Variants in AGXT2 observed in about 807,000 individuals in gnomAD.
AGXT2 encodes alanine--glyoxylate aminotransferase 2, mitochondrial.
A neutral mutation model predicts 62.5 loss-of-function variants in AGXT2; 61 were observed. That is an observed-to-expected ratio of 0.98 (90% CI 0.79 to 1.21). The LOEUF (loss-of-function observed/expected upper bound fraction) is 1.21. AGXT2 is among the 50% of genes most tolerant of loss of function. AGXT2 has a pLI of 0.00. For missense variants in AGXT2, 666 were observed against 641.5 expected, an observed-to-expected ratio of 1.04 and a Z score of -0.41; for synonymous variants, 243 against 218.7, an observed-to-expected ratio of 1.11 and a Z score of -0.98.
chr5:35,032,143 C>T (rs763684392), intron 7 of AGXT2, among the ~76,000 whole-genome samples: 1 of 151,384 alleles, frequency 6.6e-6, no homozygotes, highest in African/African-American at 2.4e-5. Flanking sequence ...AATAGAGACA[C>T]CATTTCACCA....
rs1262551561 is a variant in AGXT2, at chr5:35,047,867, A to G, written c.26T>C (p.Leu9Pro). The change falls in exon 1 of 14, where the codon CTG (leucine) becomes CCG (proline). Residue 9 changes from leucine to proline, a missense_variant. Physicochemically the swap from Leu to Pro is moderately conservative, Grantham distance 98. Coordinates refer to ENST00000231420, the MANE Select transcript of AGXT2 (RefSeq NM_031900.4). MTLIWRHL[L>P]RPLCLVTSAP... ...GGAAGTGACCAGGCACAAGGGTCTC[A>G]GCAAATGTCTCCAGATTAGAGTCAT... 6.2e-7 allele frequency: 1 copy of G among 1,614,124 alleles called. No homozygotes were observed.
At chr5:35,001,239 A>C (rs1324971060) in intron 13 of AGXT2, among the ~76,000 whole-genome samples, 1 of 152,218 alleles carries the variant, frequency 6.6e-6, no homozygotes, top group African/African-American at 2.4e-5. Context: ...AGCATGCTCA[A>C]AGCTGGACTC....
intron 9 of AGXT2, among the ~76,000 whole-genome samples, chr5:35,019,746 G>C (rs1482607431): frequency 2.0e-5 from 3 of 151,988 alleles, no homozygotes; most frequent in African/African-American, 7.3e-5. Context: ...AGGAAATAGA[G>C]ACACAAAAAA....
chr5:35,003,418 T>G (rs1979723), intron 13 of AGXT2, among the ~76,000 whole-genome samples: 3 of 152,062 alleles, frequency 2.0e-5, no homozygotes, highest in Admixed American at 2.0e-4. Flanking sequence ...ATACAGGAGA[T>G]AGATTATTTA....
intron 1 of AGXT2, among the ~76,000 whole-genome samples, chr5:35,043,389 A>G (rs1768060910): frequency 6.6e-6 from 1 of 152,224 alleles, no homozygotes; most frequent in Non-Finnish European, 1.5e-5. Flanking sequence ...ATTATTACTG[A>G]GACAGGTCTG....
At chr5:35,002,022 A>G (rs1308292194) in intron 13 of AGXT2, among the ~76,000 whole-genome samples, 3 of 152,104 alleles carry the variant, frequency 2.0e-5, no homozygotes, top group Non-Finnish European at 4.4e-5. Flanking sequence ...TTTTACAGCA[A>G]CCTAATAGTT....
At chr5:35,009,391 T>G (rs893098511) in intron 12 of AGXT2, among the ~76,000 whole-genome samples, 1 of 151,998 alleles carries the variant, frequency 6.6e-6, no homozygotes, top group African/African-American at 2.4e-5. Flanking sequence ...AGGTAAGGAG[T>G]TTGAGACCAG....
chr5:35,028,673 G>T (rs553835975), intron 7 of AGXT2, among the ~76,000 whole-genome samples: 20 of 150,962 alleles, frequency 1.3e-4, no homozygotes, highest in African/African-American at 4.4e-4. Flanking sequence ...ATCCATACAT[G>T]ACTGAATCTT....
intron 7 of AGXT2, among the ~76,000 whole-genome samples, chr5:35,027,718 A>G (rs577779756): frequency 2.6e-5 from 4 of 151,530 alleles, no homozygotes; most frequent in African/African-American, 7.3e-5. Context: ...GAGGCCCAGA[A>G]TGAGGTAGAT....
At chr5:35,028,376 A>G (rs1767437670) in intron 7 of AGXT2, among the ~76,000 whole-genome samples, 1 of 152,082 alleles carries the variant, frequency 6.6e-6, no homozygotes, top group Non-Finnish European at 1.5e-5. Context: ...GATACTAGAA[A>G]CATTTCTGCC....
chr5:35,035,719 C>A (rs186935), intron 4 of AGXT2, among the ~76,000 whole-genome samples: 142,655 of 152,204 alleles, frequency 0.94, 67,337 homozygotes, highest in Non-Finnish European at 1. Context: ...AAGACAGGAC[C>A]TCTGACTCTG....
chr5:35,037,052 C>G lies in AGXT2; in HGVS notation c.376G>C (p.Val126Leu). 6.2e-7 allele frequency: 1 copy of G among 1,614,142 alleles called. No homozygotes were observed. Among genetic ancestry groups the G allele is most frequent in the Admixed American group, 1.7e-5 (1 of 60,036 alleles). The change falls in exon 4 of 14, where the codon GTG becomes CTG. Residue 126 changes from valine to leucine, a missense_variant. Coordinates refer to ENST00000231420, the MANE Select transcript of AGXT2 (RefSeq NM_031900.4). ...VGHCHPKVNA[V>L]AQKQLGRLWH... ...AGGCGGCCGAGCTGCTTTTGTGCCA[C>G]TGCATTCACCTTTCTGGATAAGCAG...
intron 9 of AGXT2, among the ~76,000 whole-genome samples, chr5:35,022,440 G>GGAAATAATCATTCTCAGT (rs1767144099): frequency 6.6e-6 from 1 of 151,898 alleles, no homozygotes; most frequent in Non-Finnish European, 1.5e-5. Flanking sequence ...GGATGAAATT[G>GGAAATAATCATTCTCAGT]GAAATAATCA....
chr5:35,014,013 G>C lies in AGXT2; in HGVS notation c.1070C>G (p.Pro357Arg), dbSNP rs749082205. ...TMAKGIGNGF[P>R]MAAVITTPEI... ...TGGAGTGGTTATGACTGCTGCCATG[G>C]GAAAGCCATTCCCAATCCCTTTAGC... The change falls in exon 10 of 14, where the codon CCC (proline) becomes CGC (arginine). Residue 357 changes from proline to arginine, a missense_variant. Coordinates refer to ENST00000231420, the MANE Select transcript of AGXT2 (RefSeq NM_031900.4). 1.9e-6 allele frequency: 3 copies of C among 1,614,090 alleles called. No homozygotes were observed. Among genetic ancestry groups the C allele is most frequent in the East Asian group, 4.5e-5 (2 of 44,872 alleles).
intron 10 of AGXT2, 143 bp downstream of exon 10, chr5:35,013,840 AGACT>A: frequency 8.1e-7 from 1 of 1,235,102 alleles, no homozygotes; most frequent in East Asian, 2.4e-5. Flanking sequence ...TCAGGCAGAC[AGACT>A]GTTTCTCTCT....
rs566714594 is a variant in AGXT2 at position 35,039,116 on chromosome 5, G to A, written c.362+208C>T. The stretch of plus-strand genomic sequence containing the variant: ...GTACATGCCACACTACATGTGCCAT[G>A]AGAATAACAAAATCTTGCATTGTCA... On this transcript the variant is annotated intron_variant, in intron 3 of 13. Transcript: ENST00000231420. Among the ~76,000 whole-genome samples the A allele has an allele frequency of 1.1e-3, 164 of 152,268 alleles. 1 individual carries two copies. Among genetic ancestry groups the A allele is most frequent in the African/African-American group, 3.7e-3 (153 of 41,556 alleles).
chr5:35,024,101 T>C (rs1327723540), intron 9 of AGXT2, among the ~76,000 whole-genome samples: 1 of 152,070 alleles, frequency 6.6e-6, no homozygotes, highest in East Asian at 1.9e-4. Context: ...CCATGTTGGC[T>C]GGGCTGGTTT....
chr5:35,006,185 G>T (rs1400603625), intron 12 of AGXT2, among the ~76,000 whole-genome samples: 1 of 152,080 alleles, frequency 6.6e-6, no homozygotes, highest in Non-Finnish European at 1.5e-5. Flanking sequence ...TGAGCATTTA[G>T]GTTGTTTCCA....
At chr5:35,003,431 G>T (rs923671712) in intron 13 of AGXT2, among the ~76,000 whole-genome samples, 3 of 152,136 alleles carry the variant, frequency 2.0e-5, no homozygotes, top group Non-Finnish European at 4.4e-5. Flanking sequence ...ATTATTTACT[G>T]CATGACTGTG....
Sources: gnomAD v4.1 joint callset for allele counts (sites outside exome capture counted in the v4.1 genomes callset) on GRCh38, gnomAD v4.1.1 for gene constraint, MANE v1.5 for transcripts, NCBI Gene and HGNC (gene_info 2026-07-23, HGNC 2026-07-21) for gene names.